Variants in GNAL observed in about 807,000 individuals in gnomAD.
GNAL encodes guanine nucleotide-binding protein G(olf) subunit alpha.
In GNAL, 18 loss-of-function variants were observed where a neutral mutation model predicts 55.1. The observed-to-expected ratio is 0.33, with a 90% CI of 0.23 to 0.48. GNAL has a LOEUF of 0.48. Ranked by LOEUF, GNAL falls within the 20% of genes least tolerant of loss-of-function variation. GNAL has a pLI of 0.99. For missense variants in GNAL, 412 were observed against 614.1 expected, an observed-to-expected ratio of 0.67 and a Z score of 3.48; for synonymous variants, 253 against 237.0, an observed-to-expected ratio of 1.07 and a Z score of -0.62.
chr18:11,775,428 C>G (rs1244334824), intron 4 of GNAL, among the ~76,000 whole-genome samples: 6 of 152,266 alleles, frequency 3.9e-5, no homozygotes, highest in Non-Finnish European at 7.3e-5. Flanking sequence ...CACATGCACG[C>G]CCCCGTGTAG....
At chr18:11,832,934 T>C (rs72868650) in intron 5 of GNAL, among the ~76,000 whole-genome samples, 18,126 of 152,196 alleles carry the variant, frequency 0.12, 1,491 homozygotes, top group East Asian at 0.37. Context: ...TTATGCATAT[T>C]ACTGTATATA....
In GNAL at chr18:11,753,628, G is replaced by A. The variant is rs753798643; in HGVS notation, c.450G>A (p.Glu150=). The A allele has an allele frequency of 1.3e-6, 2 of 1,572,320 alleles. No homozygotes were observed. Among genetic ancestry groups the A allele is most frequent in the South Asian group, 2.2e-5 (2 of 90,040 alleles). ...TAATAACAACTCTCTTTCAATACAG[G>A]GAAAAGAAACAGAAAATTCTGGACA... The part of the protein sequence containing the change: ...RILHVNGFNP[E]EKKQKILDIR... The change falls in exon 3 of 12, where the codon GAG becomes GAA. Residue 150 remains glutamate (E), a splice_region_variant and synonymous_variant. Coordinates refer to ENST00000334049, the MANE Select transcript of GNAL (RefSeq NM_182978.4).
intron 1 of GNAL, among the ~76,000 whole-genome samples, chr18:11,720,341 G>T (rs778547988): frequency 6.6e-6 from 1 of 152,098 alleles, no homozygotes; most frequent in Non-Finnish European, 1.5e-5. Flanking sequence ...TGTAAGATAG[G>T]TCTACTAATA....
chr18:11,857,392 C>A, intron 5 of GNAL: 1 of 696,978 alleles, frequency 1.4e-6, no homozygotes, highest in Non-Finnish European at 1.8e-6. Context: ...TCTGAGAGGC[C>A]AAAAACTACA....
At chr18:11,698,989 A>G (rs924765112) in intron 1 of GNAL, among the ~76,000 whole-genome samples, 8 of 152,120 alleles carry the variant, frequency 5.3e-5, no homozygotes, top group African/African-American at 1.9e-4. Flanking sequence ...TGTCTATGAA[A>G]AGTTTCCAAA....
At chr18:11,759,061 T>C (rs1219706374) in intron 4 of GNAL, among the ~76,000 whole-genome samples, 2 of 151,868 alleles carry the variant, frequency 1.3e-5, no homozygotes, top group East Asian at 3.9e-4. Context: ...TAATCCCAGC[T>C]ACTAGGGAGG....
chr18:11,855,096 TTTGTTGTTG>T (rs957562815), intron 5 of GNAL, among the ~76,000 whole-genome samples: 4 of 151,686 alleles, frequency 2.6e-5, no homozygotes, highest in Non-Finnish European at 5.9e-5. Context: ...AATTTTTGTT[TTTGTTGTTG>T]TTGTTGTTGT....
In GNAL at chr18:11,872,307, A is replaced by G. The variant is rs771496610; in HGVS notation, c.1071A>G (p.Lys357=). Residue 357 remains lysine, a synonymous_variant, in exon 10 of 12, where the codon AAA becomes AAG. Coordinates refer to ENST00000334049, the MANE Select transcript of GNAL (RefSeq NM_182978.4). ...TTTCTATCATCTTGTTCTTGAACAA[A>G]CAAGATATGCTGGCAGAAAAAGTCT... The part of the protein sequence containing the change: ...RTISIILFLN[K]QDMLAEKVLA... 6.3e-7 allele frequency: 1 copy of G among 1,578,968 alleles called. No homozygotes were observed. The highest frequency in any genetic ancestry group is 8.6e-7 in the Non-Finnish European group (1 of 1,167,908).
intron 1 of GNAL, among the ~76,000 whole-genome samples, chr18:11,707,793 T>C (rs1027019336): frequency 6.6e-6 from 1 of 152,238 alleles, no homozygotes; most frequent in Non-Finnish European, 1.5e-5. Flanking sequence ...TGATCTTAGC[T>C]AGATCTTCTG....
intron 5 of GNAL, among the ~76,000 whole-genome samples, chr18:11,842,914 G>C (rs2035650156): frequency 6.6e-6 from 1 of 152,176 alleles, no homozygotes; most frequent in African/African-American, 2.4e-5. Flanking sequence ...ATTGTTGACT[G>C]TTTCACTGTT....
chr18:11,769,838 TAC>T (rs1257322983), intron 4 of GNAL, among the ~76,000 whole-genome samples: 1 of 152,116 alleles, frequency 6.6e-6, no homozygotes, highest in Non-Finnish European at 1.5e-5. Flanking sequence ...GTCTAAAATA[TAC>T]ACACACACAT....
chr18:11,826,296 A>C (rs1175424911), intron 5 of GNAL, among the ~76,000 whole-genome samples: 1 of 9,704 alleles, frequency 1.0e-4, no homozygotes, highest in Non-Finnish European at 3.4e-4. Context: ...GGGGAGGGGG[A>C]AGGAAGAGGA....
chr18:11,751,591 C>G lies in GNAL; in HGVS notation c.377-1262C>G, dbSNP rs997357231. 8 of 985,394 alleles carry G rather than the reference C, an allele frequency of 8.1e-6. No individual in the cohort carries two copies. Among genetic ancestry groups the G allele is most frequent in the African/African-American group, 5.2e-5 (3 of 57,242 alleles). 61.0% of individuals were successfully genotyped at this position (985,394 alleles called of 1,614,324 possible). A position where few individuals can be genotyped will look rare whatever the true frequency, so the allele number is the denominator to read the frequency against. ...TCGCCCGCCAGGAGCAGGGACGCGT[C>G]CGAGCCAACACGGGGCGCGCGCCCA... is the stretch of plus-strand genomic sequence containing the variant. On this transcript the variant is annotated intron_variant, in intron 1 of 11. Coordinates refer to ENST00000334049, the MANE Select transcript of GNAL (RefSeq NM_182978.4). This position sits in a 1 kb window ranked among gnomAD's most constrained non-coding sequence, Gnocchi z 4.5.
rs1382934906 is a variant in GNAL, at chr18:11,884,180, A to G, written c.*3045A>G. ...GAGTGACGACATTAATAGCATTTAC[A>G]TACTGTACAGATGCAACCTTTGATG... On this transcript the variant is annotated 3_prime_UTR_variant, in exon 12 of 12. Transcript: ENST00000334049. The G allele has an allele frequency of 2.5e-6, 1 of 395,668 alleles. No individual in the cohort carries two copies. The highest frequency in any genetic ancestry group is 2.0e-5 in the African/African-American group (1 of 49,922). 24.5% of individuals were successfully genotyped at this position (395,668 alleles called of 1,614,324 possible). A position where few individuals can be genotyped will look rare whatever the true frequency, so the allele number is the denominator to read the frequency against.
chr18:11,813,705 C>T (rs1440835658), intron 4 of GNAL, among the ~76,000 whole-genome samples: 3 of 152,024 alleles, frequency 2.0e-5, no homozygotes, highest in Non-Finnish European at 4.4e-5. Context: ...ATAGATCCAC[C>T]TTCATATGGT....
At chr18:11,845,650 G>A (rs2035715557) in intron 5 of GNAL, among the ~76,000 whole-genome samples, 1 of 152,064 alleles carries the variant, frequency 6.6e-6, no homozygotes, top group African/African-American at 2.4e-5. Flanking sequence ...GAGTCAGAGA[G>A]AAATGGGCCC....
chr18:11,702,095 G>A (rs1227132188), intron 1 of GNAL: 1 of 152,282 alleles, frequency 6.6e-6, no homozygotes, highest in Non-Finnish European at 1.5e-5. Flanking sequence ...TCTAGAGGGC[G>A]TGATTTGGAG....
chr18:11,875,469 TG>T (rs2036508806), intron 10 of GNAL, among the ~76,000 whole-genome samples: 1 of 152,172 alleles, frequency 6.6e-6, no homozygotes, highest in African/African-American at 2.4e-5. Context: ...GACTGGATCT[TG>T]GGGATGGATC....
At chr18:11,756,685 TTTATA>T (rs1182975736) in intron 4 of GNAL, among the ~76,000 whole-genome samples, 4 of 152,136 alleles carry the variant, frequency 2.6e-5, no homozygotes, top group African/African-American at 9.6e-5. Context: ...CTTGGAAATA[TTTATA>T]TTACTTATTA....
Sources: gnomAD v4.1 joint callset for allele counts (sites outside exome capture counted in the v4.1 genomes callset) on GRCh38, gnomAD v4.1.1 for gene constraint, Gnocchi (gnomAD v3.1) non-coding constraint, MANE v1.5 for transcripts, NCBI Gene and HGNC (gene_info 2026-07-23, HGNC 2026-07-21) for gene names.